The following PPEF1 variants were observed in gnomAD, a reference collection of about 807,000 sequenced individuals.
PPEF1 encodes the protein serine/threonine-protein phosphatase with EF-hands 1.
In PPEF1, 12 loss-of-function variants were observed where a neutral mutation model predicts 53.3. The ratio of observed to expected loss-of-function variants is 0.23; its 90% CI spans 0.14 to 0.36. The LOEUF is 0.36. PPEF1 is among the 10% of genes least tolerant of loss of function. The pLI is 1.00. For missense variants in PPEF1, 334 were observed against 490.4 expected (o/e 0.68, Z 3.01); for synonymous variants, 165 against 176.7 (o/e 0.93, Z 0.52).
intron 6 of PPEF1, among the ~76,000 whole-genome samples, chrX:18,773,776 C>T (rs776106433): frequency 1.9e-4 from 21 of 111,886 alleles, no homozygotes; most frequent in South Asian, 1.1e-3. Flanking sequence ...AGTCCTCTCT[C>T]TCTCTCTCAA....
intron 10 of PPEF1, among the ~76,000 whole-genome samples, chrX:18,794,228 G>A (rs997458016): frequency 5.3e-5 from 6 of 112,897 alleles, no homozygotes; most frequent in Non-Finnish European, 9.4e-5. Flanking sequence ...GTCTTTCCCC[G>A]ATTCAGTCTG....
chrX:18,733,681 CA>C (rs1189162077), intron 2 of PPEF1, 66 bp from the exon 3 acceptor site: 1 of 937,705 alleles, frequency 1.1e-6, no homozygotes, highest in African/African-American at 2.0e-5. Flanking sequence ...GGTGGAACAC[CA>C]ACAGCATTTG....
intron 10 of PPEF1, among the ~76,000 whole-genome samples, chrX:18,800,387 G>A (rs919638891): frequency 9.0e-6 from 1 of 110,630 alleles, no homozygotes; most frequent in African/African-American, 3.3e-5. Context: ...AGAGTTGTAT[G>A]CATACATTCA....
chrX:18,733,382 G>A (rs765487719), intron 2 of PPEF1, among the ~76,000 whole-genome samples: 1 of 111,765 alleles, frequency 8.9e-6, no homozygotes, highest in South Asian at 3.7e-4. Context: ...GGAGAAGCTA[G>A]GCCAAGATGT....
chrX:18,704,756 A>G, upstream of PPEF1, among the ~76,000 whole-genome samples: 1 of 111,783 alleles, frequency 8.9e-6, no homozygotes, highest in East Asian at 2.8e-4. Context: ...ACTGAAAAAA[A>G]TCTTGATGCC....
At chrX:18,784,581 C>T (rs2046163023) in intron 9 of PPEF1, among the ~76,000 whole-genome samples, 1 of 110,161 alleles carries the variant, frequency 9.1e-6, no homozygotes. Context: ...TGGCAACCAC[C>T]AACCACCATT....
intron 1 of PPEF1, 96 bp from the exon 2 acceptor site, chrX:18,730,085 G>A: frequency 1.1e-6 from 1 of 913,376 alleles, no homozygotes; most frequent in Non-Finnish European, 1.5e-6. Context: ...TAGGAATCCA[G>A]GTGGACTGCT....
At chrX:18,750,056 A>G (rs2045412617) in intron 4 of PPEF1, 104 bp downstream of exon 4, 3 of 810,595 alleles carry the variant, frequency 3.7e-6, no homozygotes, top group Middle Eastern at 3.8e-4. Context: ...TTTCTTTAGA[A>G]AACAGTTCAC....
chrX:18,805,111 C>T (rs1209436259), intron 11 of PPEF1, among the ~76,000 whole-genome samples: 4 of 109,214 alleles, frequency 3.7e-5, no homozygotes, highest in African/African-American at 1.0e-4. Context: ...CTCATGCTCC[C>T]GAGAAGCTGG....
At chrX:18,714,138 A>C (rs192825383) in intron 1 of PPEF1, among the ~76,000 whole-genome samples, 3 of 111,884 alleles carry the variant, frequency 2.7e-5, no homozygotes, top group African/African-American at 9.7e-5. Context: ...ACCATATTCC[A>C]AAGAGTGTTC....
upstream of PPEF1, among the ~76,000 whole-genome samples, chrX:18,678,981 G>A (rs746873638): frequency 3.6e-5 from 4 of 111,257 alleles, no homozygotes; most frequent in Non-Finnish European, 5.7e-5. Flanking sequence ...AGACCTACAT[G>A]TTCAACATCT....
At chrX:18,726,917 C>T (rs1272075843) in intron 1 of PPEF1, among the ~76,000 whole-genome samples, 1 of 112,217 alleles carries the variant, frequency 8.9e-6, no homozygotes, top group African/African-American at 3.2e-5. Flanking sequence ...CCACCTCGGC[C>T]TCCCAAAGTG....
chrX:18,749,282 G>T (rs961414944), intron 3 of PPEF1, among the ~76,000 whole-genome samples: 42 of 112,424 alleles, frequency 3.7e-4, no homozygotes, highest in African/African-American at 1.3e-3. Context: ...TTATTTTTAA[G>T]TAAAGAGAAA....
intron 5 of PPEF1, among the ~76,000 whole-genome samples, chrX:18,698,734 C>T (rs59220377): frequency 0.017 from 1,901 of 111,910 alleles, 41 homozygotes; most frequent in African/African-American, 0.057. Context: ...GCAGTGAGCC[C>T]AGAATGCACC....
At chrX:18,792,083 A>G (rs1041704360) in intron 10 of PPEF1, among the ~76,000 whole-genome samples, 3 of 111,904 alleles carry the variant, frequency 2.7e-5, no homozygotes, top group Admixed American at 1.9e-4. Flanking sequence ...CCATTTGGTA[A>G]TATTTTTTGA....
intron 1 of PPEF1, among the ~76,000 whole-genome samples, chrX:18,728,285 A>G (rs186728514): frequency 1.8e-5 from 2 of 111,378 alleles, no homozygotes; most frequent in East Asian, 5.6e-4. Context: ...AAGAAAAAGA[A>G]GTTTAATGGA....
intron 3 of PPEF1, among the ~76,000 whole-genome samples, chrX:18,742,797 C>CA (rs2045208776): frequency 9.2e-6 from 1 of 109,146 alleles, no homozygotes; most frequent in South Asian, 4.0e-4. Context: ...TGCAGTGAGC[C>CA]AAAATCGTGC....
chrX:18,682,764 GT>G (rs1380695802), upstream of PPEF1, among the ~76,000 whole-genome samples: 1 of 111,793 alleles, frequency 8.9e-6, no homozygotes, highest in African/African-American at 3.3e-5. Context: ...ATGCCTGAAA[GT>G]TTTGGTTGTT....
intron 1 of PPEF1, among the ~76,000 whole-genome samples, chrX:18,713,819 C>T (rs1412897630): frequency 5.4e-5 from 6 of 111,743 alleles, no homozygotes; most frequent in African/African-American, 1.9e-4. Flanking sequence ...TTTGTAGCCT[C>T]ACTTTCAGCA....
Sources: allele counts gnomAD v4.1 joint callset (sites outside exome capture counted in the v4.1 genomes callset), GRCh38; gene constraint gnomAD v4.1.1; transcripts MANE v1.5; gene names NCBI Gene and HGNC (gene_info 2026-07-23, HGNC 2026-07-21).